Variants in PRKD1 observed in about 807,000 individuals in gnomAD.
PRKD1 encodes the protein protein kinase D1, also known as serine/threonine-protein kinase D1.
Under a neutral mutation model 95.9 loss-of-function variants are expected in PRKD1, and 63 were observed. That is an observed-to-expected ratio of 0.66 (90% CI 0.54 to 0.81). The LOEUF (loss-of-function observed/expected upper bound fraction) is 0.81. PRKD1 is among the 30% of genes least tolerant of loss of function. The probability of loss-of-function intolerance (pLI) is 0.00; values close to 1 mark genes in which losing one functional copy is unlikely to be tolerated. For missense variants in PRKD1, 1,048 were observed against 1,165.3 expected (o/e 0.90, Z 1.47); for synonymous variants, 425 against 423.1 (o/e 1.00, Z -0.05).
At chr14:29,915,402 G>T (rs566034428) in intron 1 of PRKD1, among the ~76,000 whole-genome samples, 42 of 152,222 alleles carry the variant, frequency 2.8e-4, no homozygotes, top group Admixed American at 5.9e-4. Context: ...ACAATTAGAC[G>T]TACTATAGAT....
chr14:29,690,382 T>C (rs539511884), intron 2 of PRKD1, among the ~76,000 whole-genome samples: 2 of 152,338 alleles, frequency 1.3e-5, no homozygotes, highest in East Asian at 3.9e-4. Flanking sequence ...GTTTCTCTTC[T>C]ATGCTTCTTA....
At chr14:29,636,654 A>C (rs1880402912) in intron 6 of PRKD1, among the ~76,000 whole-genome samples, 160 bp from the exon 7 acceptor site, 1 of 152,100 alleles carries the variant, frequency 6.6e-6, no homozygotes, top group Non-Finnish European at 1.5e-5. Flanking sequence ...TAAGTTTAGG[A>C]GTATATGTGC....
At chr14:29,689,560 G>A (rs1232737300) in intron 2 of PRKD1, among the ~76,000 whole-genome samples, 1 of 152,192 alleles carries the variant, frequency 6.6e-6, no homozygotes, top group African/African-American at 2.4e-5. Context: ...GGAAGACAGT[G>A]TGGTGATTCC....
chr14:29,845,724 G>C (rs1314280072), intron 1 of PRKD1, among the ~76,000 whole-genome samples: 1 of 152,120 alleles, frequency 6.6e-6, no homozygotes, highest in African/African-American at 2.4e-5. Context: ...TAATGTCTAA[G>C]AATACGTTAA....
At chr14:29,623,754 A>G (rs1879434444) in intron 13 of PRKD1, among the ~76,000 whole-genome samples, 1 of 152,216 alleles carries the variant, frequency 6.6e-6, no homozygotes, top group Non-Finnish European at 1.5e-5. Context: ...CTTCTCAGAC[A>G]TAGCTCACTC....
chr14:29,765,920 G>C (rs898038002), intron 1 of PRKD1, among the ~76,000 whole-genome samples: 1 of 152,126 alleles, frequency 6.6e-6, no homozygotes, highest in South Asian at 2.1e-4. Flanking sequence ...CAGGAGAGCT[G>C]GCAATATTCC....
chr14:29,654,222 A>G (rs1006604337), intron 4 of PRKD1, among the ~76,000 whole-genome samples: 13 of 151,898 alleles, frequency 8.6e-5, no homozygotes, highest in African/African-American at 3.1e-4. Context: ...CCCAGGCTGG[A>G]GTGCAGTGGC....
chr14:29,663,739 G>A lies in PRKD1; in HGVS notation c.656C>T (p.Ser219Phe), dbSNP rs2139211747. The change falls in exon 4 of 18, where the codon TCT (serine) becomes TTT (phenylalanine). Residue 219 changes from serine to phenylalanine, a missense_variant. By Grantham distance (155) the Ser-to-Phe change is radical. Coordinates refer to ENST00000331968, the MANE Select transcript of PRKD1 (RefSeq NM_002742.3). ...AGGGGCACTTGTAGAGAGTTCAGCA[G>A]ATGATGTGCGGATGGTGCTGACCCC... The part of the protein sequence containing the change: ...LTGVSTIRTS[S>F]AELSTSAPDE... 1.2e-6 allele frequency: 2 copies of A among 1,614,072 alleles called. No individual in the cohort carries two copies. Among genetic ancestry groups the A allele is most frequent in the East Asian group, 4.5e-5 (2 of 44,860 alleles).
At chr14:29,776,833 ACATAATTGTCAGATT>A (rs1888783274) in intron 1 of PRKD1, among the ~76,000 whole-genome samples, 1 of 152,318 alleles carries the variant, frequency 6.6e-6, no homozygotes, top group African/African-American at 2.4e-5. Flanking sequence ...ACTCCAAGAC[ACATAATTGTCAGATT>A]CACCAAAGTT....
At chr14:29,820,253 T>C (rs999413811) in intron 1 of PRKD1, among the ~76,000 whole-genome samples, 1 of 152,234 alleles carries the variant, frequency 6.6e-6, no homozygotes, top group Non-Finnish European at 1.5e-5. Context: ...GCCTACTATG[T>C]GCAGGCACCA....
chr14:29,877,688 T>C (rs776703795), intron 1 of PRKD1, among the ~76,000 whole-genome samples: 3 of 152,200 alleles, frequency 2.0e-5, no homozygotes, highest in Non-Finnish European at 2.9e-5. Context: ...GAGGTCCAGT[T>C]TCACTCTTCT....
In PRKD1 at chr14:29,672,124, C is replaced by CGAGG. The variant is rs576316476; in HGVS notation, c.404-5920_404-5917dup. On this transcript the variant is annotated intron_variant, in intron 2 of 17. Coordinates refer to ENST00000331968, the MANE Select transcript of PRKD1 (RefSeq NM_002742.3). ...TTGGGAGGCCAAGGCAGGCAGATCA[C>CGAGG]GAGGTCAGGAGATCCAGACCATCCT... Among the ~76,000 whole-genome samples, 5 of 152,166 alleles carry CGAGG rather than the reference C, an allele frequency of 3.3e-5. No individual in the cohort carries two copies. In the South Asian group the frequency reaches 6.2e-4, roughly 19 times the overall value.
chr14:29,840,037 T>C (rs1293414705), intron 1 of PRKD1, among the ~76,000 whole-genome samples: 3 of 152,154 alleles, frequency 2.0e-5, no homozygotes, highest in African/African-American at 7.2e-5. Context: ...CTTATGTAAA[T>C]TTCTGCAGCC....
At chr14:29,876,257 A>G (rs1893284191) in intron 1 of PRKD1, among the ~76,000 whole-genome samples, 1 of 152,100 alleles carries the variant, frequency 6.6e-6, no homozygotes, top group Non-Finnish European at 1.5e-5. Flanking sequence ...ATCTCACTAT[A>G]TGTGGTTCCA....
intron 1 of PRKD1, among the ~76,000 whole-genome samples, chr14:29,860,981 A>C (rs1375326465): frequency 1.3e-5 from 2 of 152,182 alleles, no homozygotes; most frequent in African/African-American, 4.8e-5. Context: ...TTACTAAAAG[A>C]ATATACCAGT....
At chr14:29,797,659 G>A (rs894798226) in intron 1 of PRKD1, among the ~76,000 whole-genome samples, 24 of 151,976 alleles carry the variant, frequency 1.6e-4, no homozygotes, top group African/African-American at 4.8e-4. Flanking sequence ...TCGTCCTCTT[G>A]GGCCCAGGGA....
intron 1 of PRKD1, among the ~76,000 whole-genome samples, chr14:29,768,284 T>A (rs993800570): frequency 1.3e-5 from 2 of 152,176 alleles, no homozygotes; most frequent in African/African-American, 4.8e-5. Flanking sequence ...ACACATAAAG[T>A]TCCCTGCATT....
chr14:29,842,662 G>C (rs1320860023), intron 1 of PRKD1, among the ~76,000 whole-genome samples: 1 of 152,194 alleles, frequency 6.6e-6, no homozygotes, highest in Non-Finnish European at 1.5e-5. Context: ...CTGTCATACT[G>C]TTCTGGTGAA....
intron 13 of PRKD1, among the ~76,000 whole-genome samples, chr14:29,608,831 A>G (rs1359713622): frequency 6.6e-6 from 1 of 152,192 alleles, no homozygotes; most frequent in African/African-American, 2.4e-5. Flanking sequence ...CAGTTGGCAA[A>G]AAGTTTGCAA....
Sources: allele counts gnomAD v4.1 joint callset (sites outside exome capture counted in the v4.1 genomes callset), GRCh38; gene constraint gnomAD v4.1.1; transcripts MANE v1.5; gene names NCBI Gene and HGNC (gene_info 2026-07-23, HGNC 2026-07-21).